The following CDH23 variants were observed in gnomAD, a reference collection of about 807,000 sequenced individuals.
CDH23 encodes cadherin related 23, also known as cadherin-23.
Under a neutral mutation model 317.1 loss-of-function variants are expected in CDH23, and 189 were observed. That is an observed-to-expected ratio of 0.60 (90% confidence interval 0.53 to 0.67). The LOEUF is 0.67. CDH23 is among the 30% of genes least tolerant of loss of function. The pLI is 0.00. For missense variants in CDH23, 4,401 were observed against 4,592.4 expected, an observed-to-expected ratio of 0.96 and a Z score of 1.20; for synonymous variants, 1,839 against 1,876.8, an observed-to-expected ratio of 0.98 and a Z score of 0.52.
intron 2 of CDH23, among the ~76,000 whole-genome samples, chr10:71,442,451 T>C (rs1849935112): frequency 6.6e-6 from 1 of 152,104 alleles, no homozygotes; most frequent in Non-Finnish European, 1.5e-5. Flanking sequence ...CAGACCACAC[T>C]GCCCTCGCCA....
At chr10:71,616,058 C>G (rs1861170398) in intron 10 of CDH23, among the ~76,000 whole-genome samples, 1 of 152,216 alleles carries the variant, frequency 6.6e-6, no homozygotes, top group Admixed American at 6.5e-5. Flanking sequence ...AGCAATGCAA[C>G]AGCAATGTGC....
chr10:71,744,929 CA>C (rs1385229321), intron 38 of CDH23, among the ~76,000 whole-genome samples: 15 of 152,366 alleles, frequency 9.8e-5, no homozygotes, highest in African/African-American at 3.1e-4. Context: ...CATCCATCTT[CA>C]ATTTTTCCCC....
rs747310070 is a variant in CDH23 at position 71,800,734 on chromosome 10, C to T, written c.7461C>T (p.Asn2487=). The stretch of plus-strand genomic sequence containing the variant: ...ACAACCCTGGGGATGTAGCCAGCAA[C>T]CGTCGCGAAAATTCAGTGCAGGTGA... ...AKDNPGDVAS[N]RRENSVQVVI... The change falls in exon 53 of 70, where the codon AAC becomes AAT. Residue 2487 remains asparagine, a synonymous_variant. Coordinates refer to ENST00000224721, the MANE Select transcript of CDH23 (RefSeq NM_022124.6). 1 of 1,613,910 alleles carries T rather than the reference C, an allele frequency of 6.2e-7. No individual in the cohort carries two copies. The highest frequency in any genetic ancestry group is 1.1e-5 in the South Asian group (1 of 91,062).
intron 11 of CDH23, among the ~76,000 whole-genome samples, chr10:71,620,364 G>A (rs1051932155): frequency 3.3e-5 from 5 of 152,122 alleles, no homozygotes; most frequent in East Asian, 1.9e-4. Flanking sequence ...TTCAGGAGCC[G>A]CAGCTCCTGA....
Position 71,702,604 on chromosome 10 carries a change from G to A in CDH23, c.2643G>A (p.Leu881=). The A allele has an allele frequency of 6.2e-7, 1 of 1,613,972 alleles. No homozygotes were observed. Among genetic ancestry groups the A allele is most frequent in the Non-Finnish European group, 8.5e-7 (1 of 1,179,886 alleles). ...TSSATVFVNL[L]DLNDNDPTFQ... The stretch of plus-strand genomic sequence containing the variant: ...GTGCCACAGTGTTTGTGAACCTCTT[G>A]GATCTCAATGACAATGACCCCACCT... The change falls in exon 24 of 70, where the codon TTG becomes TTA. Residue 881 remains leucine, a synonymous_variant. Transcript: ENST00000224721.
chr10:71,440,051 G>A (rs1210351653), intron 2 of CDH23, among the ~76,000 whole-genome samples, 153 bp downstream of exon 2: 4 of 152,156 alleles, frequency 2.6e-5, no homozygotes, highest in Non-Finnish European at 4.4e-5. Context: ...CCCTCTCTGG[G>A]CCTCAGTTGC....
chr10:71,772,761 T>A (rs80160252), intron 38 of CDH23, among the ~76,000 whole-genome samples: 1,743 of 152,308 alleles, frequency 0.011, 24 homozygotes, highest in South Asian at 0.045. Flanking sequence ...AGGAATCAGC[T>A]GACCACTTAT....
chr10:71,484,017 G>T (rs1025883986), intron 3 of CDH23, among the ~76,000 whole-genome samples: 2 of 152,140 alleles, frequency 1.3e-5, no homozygotes, highest in Non-Finnish European at 2.9e-5. Context: ...GGAAATCATG[G>T]TTCTGGGATC....
intron 1 of CDH23, among the ~76,000 whole-genome samples, chr10:71,437,347 T>C (rs1238999369): frequency 6.6e-6 from 1 of 152,212 alleles, no homozygotes; most frequent in African/African-American, 2.4e-5. Context: ...GCATTGCTTT[T>C]GGGGGCAGGA....
intron 1 of CDH23, among the ~76,000 whole-genome samples, chr10:71,406,541 G>A (rs1589267982): frequency 6.6e-6 from 1 of 152,202 alleles, no homozygotes; most frequent in East Asian, 1.9e-4. Flanking sequence ...GTGGCAAACT[G>A]CACATACTTA....
At chr10:71,576,248 G>A (rs904768986) in intron 8 of CDH23, among the ~76,000 whole-genome samples, 3 of 152,224 alleles carry the variant, frequency 2.0e-5, no homozygotes, top group African/African-American at 7.2e-5. Context: ...TCTGGGACAT[G>A]CAATTGCCCC....
chr10:71,746,248 G>T (rs1305189411), intron 38 of CDH23, among the ~76,000 whole-genome samples: 5 of 152,170 alleles, frequency 3.3e-5, no homozygotes, highest in Non-Finnish European at 7.4e-5. Context: ...GAAAGATGTG[G>T]CTCCCTAAGC....
rs764045261 is a variant in CDH23, at chr10:71,702,113, C to T, written c.2489C>T (p.Thr830Met). The T allele has an allele frequency of 1.9e-6, 3 of 1,613,998 alleles. No individual in the cohort carries two copies. The highest frequency in any genetic ancestry group is 1.7e-5 in the Admixed American group (1 of 60,034). Residue 830 changes from threonine to methionine, a missense_variant, in exon 23 of 70, where the codon ACG (threonine) becomes ATG (methionine). Physicochemically the swap from Thr to Met is moderately conservative, Grantham distance 81. Around this residue, in one of 3 missense-constraint regions of CDH23, gnomAD observed 3,068 missense variants for 3,203.3 expected, o/e 0.96. Coordinates refer to ENST00000224721, the MANE Select transcript of CDH23 (RefSeq NM_022124.6). ...AAGTTCTACAGCCTCAACAGCACCA[C>T]GGGCAAGATCCGCACCACCCACGCC... ...PNKFYSLNST[T>M]GKIRTTHAML...
chr10:71,723,974 G>C, intron 28 of CDH23, 71 bp from the exon 29 acceptor site: 1 of 1,517,576 alleles, frequency 6.6e-7, no homozygotes, highest in Non-Finnish European at 9.0e-7. Context: ...GGAAGGAAAG[G>C]AACTCTAAAA....
At chr10:71,722,860 TAAG>T (rs1303688056) in intron 28 of CDH23, among the ~76,000 whole-genome samples, 3 of 152,156 alleles carry the variant, frequency 2.0e-5, no homozygotes, top group African/African-American at 7.2e-5. Context: ...CCAGGGCAGT[TAAG>T]AGGAGAGAGT....
intron 34 of CDH23, 84 bp downstream of exon 34, chr10:71,734,742 C>A: frequency 1.1e-6 from 1 of 879,888 alleles, no homozygotes; most frequent in East Asian, 4.8e-5. Flanking sequence ...TGGACCTTCC[C>A]ACCTCTCCCA....
intron 3 of CDH23, among the ~76,000 whole-genome samples, chr10:71,493,182 T>C (rs1852762405): frequency 6.6e-6 from 1 of 152,138 alleles, no homozygotes; most frequent in South Asian, 2.1e-4. Context: ...ATTGTGTACA[T>C]ATTTCAAGTT....
chr10:71,796,174 C>G, intron 48 of CDH23: 1 of 821,256 alleles, frequency 1.2e-6, no homozygotes, highest in Non-Finnish European at 1.5e-6. Flanking sequence ...ACCCCTGTAC[C>G]TGAGAGGGAG....
At chr10:71,686,973 C>T (rs758072441) in intron 18 of CDH23, among the ~76,000 whole-genome samples, 6 of 152,204 alleles carry the variant, frequency 3.9e-5, no homozygotes, top group Non-Finnish European at 8.8e-5. Context: ...CCAGGCTCAG[C>T]CCCTCAGCCA....
Sources: gnomAD v4.1 joint callset for allele counts (sites outside exome capture counted in the v4.1 genomes callset) on GRCh38, gnomAD v4.1.1 for gene constraint, gnomAD v4.1.1 regional missense constraint, MANE v1.5 for transcripts, NCBI Gene and HGNC (gene_info 2026-07-23, HGNC 2026-07-21) for gene names.